Variants in DCDC1 observed in about 807,000 individuals in gnomAD.
DCDC1 encodes doublecortin domain containing 1.
A neutral mutation model predicts 178.3 loss-of-function variants in DCDC1; 200 were observed. The ratio of observed to expected loss-of-function variants is 1.12; its 90% CI spans 1.00 to 1.26. The LOEUF is 1.26. Among genes scored for constraint, DCDC1 ranks in the 50% most tolerant of loss-of-function variants. The pLI, the probability that DCDC1 is intolerant of heterozygous loss-of-function variation, is 0.00. For synonymous variants in DCDC1, 690 were observed against 604.8 expected (o/e 1.14, Z -2.07); for missense variants, 1,983 against 1,749.2 (o/e 1.13, Z -2.38).
chr11:31,147,802 G>A lies in DCDC1; in HGVS notation c.1222-10018C>T, dbSNP rs552059351. 3.3e-5 allele frequency among the ~76,000 whole-genome samples: 5 copies of A among 152,306 alleles called. No homozygotes were observed. In the East Asian group the frequency reaches 9.6e-4, roughly 29 times the overall value. The stretch of plus-strand genomic sequence containing the variant: ...AGGTGGTAGCCCATGGAATTTAAGG[G>A]AAGGCCAAAGAAAGAGTCTGTAGAG... On this transcript the variant is annotated intron_variant, in intron 9 of 38. Transcript: ENST00000684477.
intron 3 of DCDC1, among the ~76,000 whole-genome samples, chr11:31,314,081 C>T (rs972939928): frequency 1.3e-5 from 2 of 152,166 alleles, no homozygotes; most frequent in Non-Finnish European, 2.9e-5. Flanking sequence ...TGCTTCCTCC[C>T]TGTGCATCCA....
rs184153809 is a variant in DCDC1 at position 31,150,362 on chromosome 11, A to G, written c.1222-12578T>C. 2.1e-3 allele frequency among the ~76,000 whole-genome samples: 320 copies of G among 152,354 alleles called. 2 individuals are homozygous for G. Among genetic ancestry groups the G allele is most frequent in the African/African-American group, 7.3e-3 (302 of 41,580 alleles). ...TCATCTATTTAAAATAATGCCATGA[A>G]ATATTTAACAATGGGAAATAATATC... is the stretch of plus-strand genomic sequence containing the variant. On this transcript the variant is annotated intron_variant, in intron 9 of 38. Coordinates refer to ENST00000684477, the MANE Select transcript of DCDC1 (RefSeq NM_001387274.1).
At chr11:31,237,560 A>T (rs1244406563) in intron 9 of DCDC1, among the ~76,000 whole-genome samples, 1 of 151,926 alleles carries the variant, frequency 6.6e-6, no homozygotes, top group South Asian at 2.1e-4. Flanking sequence ...CGGGCCAAAA[A>T]TTATATAAAC....
At chr11:30,883,474 C>A (rs770883417) in intron 36 of DCDC1, 3 of 461,028 alleles carry the variant, frequency 6.5e-6, no homozygotes. Flanking sequence ...AGAAAACTTT[C>A]CTGCTCCAAA....
rs746992757 is a variant in DCDC1, at chr11:30,920,945, A to C, written c.3134-10T>G. On this transcript the variant is annotated splice_polypyrimidine_tract_variant and intron_variant, in intron 24 of 38. Coordinates refer to ENST00000684477, the MANE Select transcript of DCDC1 (RefSeq NM_001387274.1). ...ACTTCTAAAACAAGAGCTGAGCAGA[A>C]ATTCACAAATTGCAAAGACATATTA... The C allele has an allele frequency of 6.2e-7, 1 of 1,602,884 alleles. No individual in the cohort carries two copies. Among genetic ancestry groups the C allele is most frequent in the Non-Finnish European group, 8.5e-7 (1 of 1,173,994 alleles).
rs77842911 is a variant in DCDC1 at position 30,957,983 on chromosome 11, G to A, written c.2592-5415C>T. 4.7e-3 allele frequency among the ~76,000 whole-genome samples: 717 copies of A among 152,282 alleles called. 11 individuals are homozygous for A. Among genetic ancestry groups the A allele is most frequent in the African/African-American group, 0.017 (687 of 41,554 alleles). ...GTTCACAAAGAGGTCAGTGTGATGT[G>A]TTAGTGCTGGTCAGAGTGCACTGCT... On this transcript the variant is annotated intron_variant, in intron 20 of 38. Transcript: ENST00000684477.
At chr11:31,013,154 T>C (rs1952275886) in intron 20 of DCDC1, among the ~76,000 whole-genome samples, 1 of 152,206 alleles carries the variant, frequency 6.6e-6, no homozygotes, top group South Asian at 2.1e-4. Context: ...TTCTCCAGCA[T>C]TGCTGTTTAA....
intron 9 of DCDC1, among the ~76,000 whole-genome samples, chr11:31,223,286 C>T (rs189109205): frequency 3.7e-4 from 56 of 152,184 alleles, no homozygotes; most frequent in Non-Finnish European, 1.0e-4. Flanking sequence ...TCAGACATAT[C>T]ATTAACTATT....
Position 31,127,631 on chromosome 11 carries a change from C to G in DCDC1, c.1323G>C (p.Arg441Ser). 1 of 702,224 alleles carries G rather than the reference C, an allele frequency of 1.4e-6. No individual in the cohort carries two copies. Among genetic ancestry groups the G allele is most frequent in the African/African-American group, 1.7e-5 (1 of 57,298 alleles). 43.5% of individuals were successfully genotyped at this position (702,224 alleles called of 1,614,324 possible). A position where few individuals can be genotyped will look rare whatever the true frequency, so the allele number is the denominator to read the frequency against. ...TAGCTGTCTGCAATTCATCAATCAG[C>G]CTGCTCACCTGAAGGGGTTAAATTA... The part of the protein sequence containing the change: ...EHHKEQEEVS[R>S]LIDELQTAIK... Residue 441 changes from arginine to serine, a missense_variant, in exon 11 of 39, where the codon AGG becomes AGC. By Grantham distance (110) the Arg-to-Ser change is moderately radical. Transcript: ENST00000684477.
At chr11:30,923,520 C>A (rs1395213530) in intron 23 of DCDC1, among the ~76,000 whole-genome samples, 1 of 149,050 alleles carries the variant, frequency 6.7e-6, no homozygotes, top group Non-Finnish European at 1.5e-5. Flanking sequence ...AGAAAGAGAA[C>A]CTCAGTGCTG....
intron 36 of DCDC1, among the ~76,000 whole-genome samples, chr11:30,885,404 C>T (rs1011049056): frequency 6.6e-6 from 1 of 151,752 alleles, no homozygotes; most frequent in African/African-American, 2.4e-5. Context: ...TAAAAAACTC[C>T]ATAGACACAA....
intron 9 of DCDC1, among the ~76,000 whole-genome samples, chr11:31,159,845 C>T (rs993658519): frequency 9.2e-5 from 14 of 152,146 alleles, no homozygotes; most frequent in African/African-American, 3.1e-4. Context: ...AGTCTGTGTC[C>T]TTGTGTTTTG....
At chr11:31,168,773 G>C (rs907304300) in intron 9 of DCDC1, among the ~76,000 whole-genome samples, 1 of 147,968 alleles carries the variant, frequency 6.8e-6, no homozygotes, top group African/African-American at 2.4e-5. Context: ...TCAGATTGTT[G>C]TAAGGAGTAA....
intron 20 of DCDC1, among the ~76,000 whole-genome samples, chr11:31,025,168 A>G (rs1387959726): frequency 4.0e-5 from 6 of 151,878 alleles, no homozygotes; most frequent in African/African-American, 1.4e-4. Context: ...CAACATGTAC[A>G]GAGTATACTT....
intron 9 of DCDC1, among the ~76,000 whole-genome samples, chr11:31,145,452 A>G (rs1264310005): frequency 6.6e-6 from 1 of 152,234 alleles, no homozygotes; most frequent in Non-Finnish European, 1.5e-5. Context: ...AAGGTACATC[A>G]TGCCCAGCTT....
At chr11:30,923,613 TAA>T (rs2134259884) in intron 23 of DCDC1, among the ~76,000 whole-genome samples, 1 of 149,290 alleles carries the variant, frequency 6.7e-6, no homozygotes, top group African/African-American at 2.4e-5. Context: ...TAAATAATAA[TAA>T]TAATAATTAT....
At chr11:31,078,518 A>G (rs1400779672) in intron 17 of DCDC1, among the ~76,000 whole-genome samples, 1 of 152,222 alleles carries the variant, frequency 6.6e-6, no homozygotes, top group Non-Finnish European at 1.5e-5. Flanking sequence ...TAAGTGTAAC[A>G]GGATGTTAAA....
chr11:30,920,670 A>T (rs548901017), intron 25 of DCDC1, 106 bp downstream of exon 25: 2 of 1,378,444 alleles, frequency 1.5e-6, no homozygotes, highest in African/African-American at 2.9e-5. Flanking sequence ...CATTAGTTTC[A>T]CAAACTTGGC....
intron 20 of DCDC1, among the ~76,000 whole-genome samples, chr11:30,999,818 T>C (rs1255078725): frequency 2.0e-5 from 3 of 152,128 alleles, no homozygotes; most frequent in Non-Finnish European, 4.4e-5. Context: ...AATACAAACG[T>C]CAAATAAAAT....
Sources: allele counts gnomAD v4.1 joint callset (sites outside exome capture counted in the v4.1 genomes callset), GRCh38; gene constraint gnomAD v4.1.1; transcripts MANE v1.5; gene names NCBI Gene and HGNC (gene_info 2026-07-23, HGNC 2026-07-21).